Variants in POLR3G observed in about 807,000 individuals in gnomAD.
The protein encoded by POLR3G is RNA polymerase III subunit G, also known as DNA-directed RNA polymerase III subunit RPC7.
In POLR3G, 28 loss-of-function variants were observed where a neutral mutation model predicts 30.1. The observed-to-expected ratio is 0.93, with a 90% CI of 0.69 to 1.27. The LOEUF (loss-of-function observed/expected upper bound fraction) is 1.27, where lower values mean the gene tolerates loss of function less well. Ranked by LOEUF, POLR3G falls within the 50% of genes most tolerant of loss-of-function variation. The probability of loss-of-function intolerance (pLI) is 0.00; values close to 1 mark genes in which losing one functional copy is unlikely to be tolerated. For synonymous variants in POLR3G, 79 were observed against 82.5 expected, an observed-to-expected ratio of 0.96 and a Z score of 0.23; for missense variants, 254 against 264.6, an observed-to-expected ratio of 0.96 and a Z score of 0.28.
intron 6 of POLR3G, chr5:90,502,289 T>G (rs1414604055): frequency 1.0e-6 from 1 of 975,504 alleles, no homozygotes; most frequent in African/African-American, 1.8e-5. Flanking sequence ...GAGAGAAACA[T>G]GAACAAGTTT....
chr5:90,475,959 C>T (rs1039011086), intron 1 of POLR3G, among the ~76,000 whole-genome samples: 1 of 152,188 alleles, frequency 6.6e-6, no homozygotes, highest in African/African-American at 2.4e-5. Flanking sequence ...GATCCGCCTG[C>T]CTCGGCCTCC....
Position 90,497,705 on chromosome 5 carries a change from AG to A in POLR3G, c.355+1del, listed in dbSNP as rs761270080. 16 of 1,604,098 alleles carry A rather than the reference AG, an allele frequency of 1.0e-5. No individual in the cohort carries two copies. The South Asian group carries it at 1.8e-4, about 18-fold the overall frequency. On this transcript the variant is annotated frameshift_variant and splice_region_variant, in exon 5 of 8. Coordinates refer to ENST00000651687, the MANE Select transcript of POLR3G (RefSeq NM_006467.3). LOFTEE classifies it high-confidence loss of function. The stretch of plus-strand genomic sequence containing the variant: ...TGATGCCAAGAAATAAATGTAAAAA[AG>A]GTACATTGACTAATATAATAGTAAT... ...EMMPRNKCKK[A>X]GPKPKKAKDA...
chr5:90,508,762 A>G (rs1037887829), intron 7 of POLR3G, among the ~76,000 whole-genome samples: 1 of 152,160 alleles, frequency 6.6e-6, no homozygotes, highest in Non-Finnish European at 1.5e-5. Flanking sequence ...TGACAGCTCT[A>G]TTATTAAAAT....
At chr5:90,508,654 T>C (rs1405567429) in intron 7 of POLR3G, among the ~76,000 whole-genome samples, 2 of 151,342 alleles carry the variant, frequency 1.3e-5, no homozygotes, top group Admixed American at 6.6e-5. Flanking sequence ...TTTTGACAAA[T>C]AGAAGTAGCT....
At chr5:90,486,199 G>A (rs959483428) in intron 2 of POLR3G, among the ~76,000 whole-genome samples, 1 of 151,984 alleles carries the variant, frequency 6.6e-6, no homozygotes, top group African/African-American at 2.4e-5. Flanking sequence ...TAATGTTTTC[G>A]CTTTATGTTT....
Position 90,495,715 on chromosome 5 carries a change from A to G in POLR3G, c.286A>G (p.Lys96Glu). 2 of 1,598,886 alleles carry G rather than the reference A, an allele frequency of 1.3e-6. No homozygotes were observed. Among genetic ancestry groups the G allele is most frequent in the South Asian group, 1.1e-5 (1 of 87,324 alleles). ...TAGTAAAAGATACATGAAGGTATAC[A>G]AGGAAGAATGGATACCAGGTAACTA... The part of the protein sequence containing the change: ...RYSKRYMKVY[K>E]EEWIPDWRRL... Residue 96 changes from lysine (K) to glutamate (E), a missense_variant, in exon 4 of 8, where the codon AAG becomes GAG. Physicochemically the swap from Lys to Glu is moderately conservative, Grantham distance 56. Coordinates refer to ENST00000651687, the MANE Select transcript of POLR3G (RefSeq NM_006467.3).
chr5:90,511,212 A>T (rs1385840670), intron 7 of POLR3G, among the ~76,000 whole-genome samples: 2 of 152,168 alleles, frequency 1.3e-5, no homozygotes, highest in Non-Finnish European at 2.9e-5. Flanking sequence ...GTCAGTATGG[A>T]TTCAAAAATA....
At chr5:90,502,544 G>A (rs748780352) in intron 6 of POLR3G, 52 of 337,876 alleles carry the variant, frequency 1.5e-4, no homozygotes, top group Non-Finnish European at 1.8e-4. Context: ...AATAAAAAAT[G>A]TAAGATTCAG....
rs1002681019 is a variant in POLR3G at position 90,495,529 on chromosome 5, T to C, written c.248-148T>C. On this transcript the variant is annotated intron_variant, in intron 3 of 7. Coordinates refer to ENST00000651687, the MANE Select transcript of POLR3G (RefSeq NM_006467.3). ...CATCCTTGCCTACCCCTACCCTTTTTCCCATTCTCTTATGTACAAAGGTGG... is the reference window on the plus strand; with the variant it reads ...CATCCTTGCCTACCCCTACCCTTTTCCCCATTCTCTTATGTACAAAGGTGG... 10 of 1,363,852 alleles carry C rather than the reference T, an allele frequency of 7.3e-6. No individual in the cohort carries two copies. In the African/African-American group the frequency reaches 9.2e-5, roughly 13 times the overall value. The allele number at this position is 1,363,852 out of a possible 1,614,324, so 84.5% of individuals were successfully genotyped here. A position where few individuals can be genotyped will look rare whatever the true frequency, so the allele number is the denominator to read the frequency against.
At chr5:90,502,843 A>T (rs1752316757) in intron 6 of POLR3G, among the ~76,000 whole-genome samples, 1 of 146,506 alleles carries the variant, frequency 6.8e-6, no homozygotes, top group Admixed American at 6.8e-5. Flanking sequence ...ATGAACTGTA[A>T]TTTATTTAAT....
At chr5:90,506,457 C>G in intron 6 of POLR3G, 71 bp from the exon 7 acceptor site, 1 of 1,532,644 alleles carries the variant, frequency 6.5e-7, no homozygotes, top group Non-Finnish European at 8.8e-7. Context: ...ATAACTGTTC[C>G]CTTAAGGCTA....
chr5:90,479,592 T>C (rs1209735432), intron 1 of POLR3G, among the ~76,000 whole-genome samples: 2 of 152,172 alleles, frequency 1.3e-5, no homozygotes, highest in Non-Finnish European at 2.9e-5. Context: ...TGGCAACATA[T>C]ATCACCTGAA....
At chr5:90,483,141 C>G (rs1245092319) in intron 1 of POLR3G, among the ~76,000 whole-genome samples, 1 of 64,038 alleles carries the variant, frequency 1.6e-5, no homozygotes, top group African/African-American at 5.3e-5. Flanking sequence ...ACTCCTCCGT[C>G]TCAAAAAAAA....
intron 1 of POLR3G, among the ~76,000 whole-genome samples, chr5:90,475,256 A>G (rs1368489731): frequency 1.3e-5 from 2 of 152,094 alleles, no homozygotes; most frequent in East Asian, 3.9e-4. Flanking sequence ...GTTTGCAGTG[A>G]GTTAGAAGGG....
At chr5:90,496,428 G>A (rs1412965734) in intron 4 of POLR3G, among the ~76,000 whole-genome samples, 3 of 152,162 alleles carry the variant, frequency 2.0e-5, no homozygotes, top group Non-Finnish European at 2.9e-5. Flanking sequence ...CAAAAATCTC[G>A]TTTTAAAGAT....
intron 3 of POLR3G, among the ~76,000 whole-genome samples, chr5:90,494,680 A>G (rs1029742134): frequency 6.6e-6 from 1 of 151,918 alleles, no homozygotes; most frequent in African/African-American, 2.4e-5. Context: ...CCATTTTTGT[A>G]TCTTCTTTAG....
intron 4 of POLR3G, among the ~76,000 whole-genome samples, chr5:90,497,232 G>A (rs896107291): frequency 2.0e-5 from 3 of 151,546 alleles, no homozygotes; most frequent in African/African-American, 4.9e-5. Flanking sequence ...TGCATGTTTT[G>A]GGATTATGGT....
intron 6 of POLR3G, among the ~76,000 whole-genome samples, chr5:90,504,525 G>T (rs1235424096): frequency 6.7e-6 from 1 of 149,530 alleles, no homozygotes; most frequent in Non-Finnish European, 1.5e-5. Context: ...TCGTACCACT[G>T]CCCTCCAGCC....
At chr5:90,475,678 C>G (rs771290760) in intron 1 of POLR3G, among the ~76,000 whole-genome samples, 1 of 151,988 alleles carries the variant, frequency 6.6e-6, no homozygotes, top group Admixed American at 6.6e-5. Context: ...CTCCACTCCC[C>G]GCTTCCCAGC....
Sources: allele counts gnomAD v4.1 joint callset (sites outside exome capture counted in the v4.1 genomes callset), GRCh38; gene constraint gnomAD v4.1.1; transcripts MANE v1.5; gene names NCBI Gene and HGNC (gene_info 2026-07-23, HGNC 2026-07-21).